MAP4K3: variants seen among roughly 807,000 people sequenced by gnomAD.
MAP4K3 encodes MAPK/ERK kinase kinase kinase 3.
A neutral mutation model predicts 143.5 loss-of-function variants in MAP4K3; 94 were observed. The observed-to-expected ratio is 0.65, with a 90% CI of 0.55 to 0.78. MAP4K3 has a LOEUF of 0.78. Ranked by LOEUF, MAP4K3 falls within the 30% of genes least tolerant of loss-of-function variation. MAP4K3 has a pLI of 0.00. For synonymous variants in MAP4K3, 416 were observed against 347.2 expected (o/e 1.20, Z -2.20); for missense variants, 1,077 against 1,068.1 (o/e 1.01, Z -0.12).
At chr2:39,256,509 T>A (rs1323647197) in intron 31 of MAP4K3, among the ~76,000 whole-genome samples, 2 of 152,216 alleles carry the variant, frequency 1.3e-5, no homozygotes, top group African/African-American at 4.8e-5. Flanking sequence ...ACTGAAGAGT[T>A]ACATGATTTT....
At chr2:39,268,482 A>T (rs1046634676) in intron 26 of MAP4K3, among the ~76,000 whole-genome samples, 2 of 151,444 alleles carry the variant, frequency 1.3e-5, no homozygotes, top group African/African-American at 2.4e-5. Flanking sequence ...CATCATGCTC[A>T]GCTAATTTTT....
At chr2:39,325,473 C>A in intron 12 of MAP4K3, 45 bp downstream of exon 12, 1 of 1,273,250 alleles carries the variant, frequency 7.9e-7, no homozygotes, top group Non-Finnish European at 1.1e-6. Context: ...TATATACATA[C>A]ACATATACAT....
At chr2:39,375,648 T>G (rs577476690) in intron 2 of MAP4K3, among the ~76,000 whole-genome samples, 11 of 152,338 alleles carry the variant, frequency 7.2e-5, no homozygotes, top group African/African-American at 2.4e-4. Flanking sequence ...ATTGGATAGT[T>G]CAGCAATTTC....
At chr2:39,296,888 A>G (rs1248617020) in intron 16 of MAP4K3, among the ~76,000 whole-genome samples, 1 of 152,202 alleles carries the variant, frequency 6.6e-6, no homozygotes, top group Non-Finnish European at 1.5e-5. Context: ...TTAGCACCCT[A>G]TGAGGCAGGT....
chr2:39,299,344 A>C (rs1682416082), intron 16 of MAP4K3, among the ~76,000 whole-genome samples: 1 of 152,186 alleles, frequency 6.6e-6, no homozygotes, highest in South Asian at 2.1e-4. Context: ...TTATAGCTAA[A>C]AAGTTAAGAT....
At chr2:39,323,543 G>C (rs1683389167) in intron 12 of MAP4K3, 1 of 152,116 alleles carries the variant, frequency 6.6e-6, no homozygotes, top group African/African-American at 2.4e-5. Flanking sequence ...TCAAATAACA[G>C]TTACCACTGT....
chr2:39,393,750 C>A (rs1243441795), intron 1 of MAP4K3, among the ~76,000 whole-genome samples: 6 of 152,084 alleles, frequency 3.9e-5, no homozygotes, highest in Admixed American at 1.3e-4. Context: ...GGTTCCAGGA[C>A]CCTTGAGTGT....
At chr2:39,433,676 C>T (rs900567024) in intron 1 of MAP4K3, among the ~76,000 whole-genome samples, 3 of 152,036 alleles carry the variant, frequency 2.0e-5, no homozygotes, top group African/African-American at 7.3e-5. Flanking sequence ...AATTTCAGAG[C>T]ACTCCATGGG....
chr2:39,299,681 A>T (rs551023995), intron 16 of MAP4K3, 62 bp downstream of exon 16: 2 of 855,682 alleles, frequency 2.3e-6, no homozygotes, highest in East Asian at 5.7e-5. Context: ...ATTAAAATAT[A>T]ATATTAAAGG....
chr2:39,309,864 AG>A (rs753832977), intron 13 of MAP4K3, among the ~76,000 whole-genome samples: 10 of 152,082 alleles, frequency 6.6e-5, no homozygotes, highest in Non-Finnish European at 1.0e-4. Flanking sequence ...GGCCAAAACC[AG>A]GATGTTTTTA....
At chr2:39,385,570 A>ATG (rs1666479325) in intron 1 of MAP4K3, among the ~76,000 whole-genome samples, 1 of 132,030 alleles carries the variant, frequency 7.6e-6, no homozygotes, top group Admixed American at 7.4e-5. Context: ...ATATATATAT[A>ATG]TATATATATA....
At chr2:39,358,608 G>C (rs1246663251) in intron 2 of MAP4K3, among the ~76,000 whole-genome samples, 1 of 151,962 alleles carries the variant, frequency 6.6e-6, no homozygotes, top group Admixed American at 6.6e-5. Context: ...TTGTGAGAAT[G>C]GTCAAATTAA....
At chr2:39,264,211 A>T (rs1233633278) in intron 28 of MAP4K3, among the ~76,000 whole-genome samples, 1 of 152,220 alleles carries the variant, frequency 6.6e-6, no homozygotes, top group Non-Finnish European at 1.5e-5. Flanking sequence ...GCTGAGAACA[A>T]AACAATGTTT....
At chr2:39,287,824 G>A (rs1443003983) in intron 20 of MAP4K3, among the ~76,000 whole-genome samples, 2 of 152,202 alleles carry the variant, frequency 1.3e-5, no homozygotes, top group Non-Finnish European at 2.9e-5. Flanking sequence ...TTTGTTCATA[G>A]TTTAATTTGC....
At chr2:39,361,251 G>T (rs1202557813) in intron 2 of MAP4K3, among the ~76,000 whole-genome samples, 1 of 148,808 alleles carries the variant, frequency 6.7e-6, no homozygotes, top group Non-Finnish European at 1.5e-5. Flanking sequence ...GTAATAATAT[G>T]ATATTATAAT....
intron 16 of MAP4K3, among the ~76,000 whole-genome samples, chr2:39,295,951 T>G (rs1682265861): frequency 6.6e-6 from 1 of 152,130 alleles, no homozygotes; most frequent in Non-Finnish European, 1.5e-5. Flanking sequence ...ACTCCCGGCC[T>G]CAAGTGATCC....
intron 1 of MAP4K3, among the ~76,000 whole-genome samples, chr2:39,434,829 C>A (rs1226052394): frequency 6.6e-6 from 1 of 152,216 alleles, no homozygotes; most frequent in Admixed American, 6.5e-5. Flanking sequence ...CTTATAGTGC[C>A]TGGCAAGTAA....
chr2:39,329,619 T>A (rs1683617455), intron 8 of MAP4K3, among the ~76,000 whole-genome samples: 1 of 152,128 alleles, frequency 6.6e-6, no homozygotes, highest in African/African-American at 2.4e-5. Context: ...CCTACTCTTA[T>A]CCATTAAGCC....
At chr2:39,264,159 G>A (rs1680680209) in intron 28 of MAP4K3, among the ~76,000 whole-genome samples, 1 of 152,160 alleles carries the variant, frequency 6.6e-6, no homozygotes, top group South Asian at 2.1e-4. Context: ...ATTCCATCTT[G>A]GATAGAGCAT....
Sources: gnomAD v4.1 joint callset for allele counts (sites outside exome capture counted in the v4.1 genomes callset) on GRCh38, gnomAD v4.1.1 for gene constraint, MANE v1.5 for transcripts, NCBI Gene and HGNC (gene_info 2026-07-23, HGNC 2026-07-21) for gene names.